Variants in PDE10A observed in about 807,000 individuals in gnomAD.
PDE10A encodes the protein phosphodiesterase 10A, also known as cAMP and cAMP-inhibited cGMP 3',5'-cyclic phosphodiesterase 10A.
A neutral mutation model predicts 97.7 loss-of-function variants in PDE10A; 39 were observed. The ratio of observed to expected loss-of-function variants is 0.40; its 90% CI spans 0.31 to 0.52. PDE10A has a LOEUF of 0.52. PDE10A is among the 20% of genes least tolerant of loss of function. The pLI is 0.56. For missense variants in PDE10A, 731 were observed against 1,047.8 expected (o/e 0.70, Z 4.17); for synonymous variants, 371 against 376.8 (o/e 0.98, Z 0.18).
chr6:165,825,684 C>T (rs545991408), intron 1 of PDE10A, among the ~76,000 whole-genome samples: 13 of 152,292 alleles, frequency 8.5e-5, no homozygotes, highest in African/African-American at 2.6e-4. Flanking sequence ...CCAAGGAGGT[C>T]GGTGCCTGAC....
At chr6:165,437,169 C>CG (rs964819776) in intron 5 of PDE10A, among the ~76,000 whole-genome samples, 4 of 151,914 alleles carry the variant, frequency 2.6e-5, no homozygotes, top group East Asian at 1.9e-4. Context: ...GTATTTTTTG[C>CG]GGGGGGTGTG....
At chr6:165,844,002 G>A (rs186152566) in intron 1 of PDE10A, among the ~76,000 whole-genome samples, 213 of 152,274 alleles carry the variant, frequency 1.4e-3, no homozygotes, top group Non-Finnish European at 2.0e-3. Context: ...CACAGGTTCC[G>A]AAATGAAGAC....
intron 18 of PDE10A, among the ~76,000 whole-genome samples, chr6:165,375,123 T>G (rs746359021): frequency 2.6e-4 from 40 of 152,142 alleles, no homozygotes; most frequent in Non-Finnish European, 5.4e-4. Flanking sequence ...GGCCAATTAA[T>G]AACTCTACAA....
intron 5 of PDE10A, among the ~76,000 whole-genome samples, chr6:165,441,610 C>G (rs889201347): frequency 2.6e-5 from 4 of 152,082 alleles, no homozygotes; most frequent in African/African-American, 7.3e-5. Flanking sequence ...TGCTAAACTA[C>G]TTACTAGGAA....
At chr6:165,784,468 T>C (rs1778442040) in intron 1 of PDE10A, among the ~76,000 whole-genome samples, 1 of 152,206 alleles carries the variant, frequency 6.6e-6, no homozygotes, top group African/African-American at 2.4e-5. Context: ...TTTCAAAACT[T>C]GAATATGGTA....
intron 1 of PDE10A, chr6:165,940,344 T>C (rs1783470804): frequency 6.6e-6 from 1 of 152,236 alleles, no homozygotes; most frequent in East Asian, 1.9e-4. Flanking sequence ...TGGAAACTAA[T>C]CAAGGGCGCG....
chr6:165,850,442 C>A (rs1780544903), intron 1 of PDE10A, among the ~76,000 whole-genome samples: 2 of 152,162 alleles, frequency 1.3e-5, no homozygotes, highest in South Asian at 4.1e-4. Context: ...ATTCTTTCAA[C>A]GGTATTTTAT....
intron 10 of PDE10A, among the ~76,000 whole-genome samples, chr6:165,424,670 T>G (rs1400795708): frequency 6.6e-6 from 1 of 152,126 alleles, no homozygotes; most frequent in Non-Finnish European, 1.5e-5. Context: ...AAAGAACCAT[T>G]GAGCAATCCG....
intron 1 of PDE10A, among the ~76,000 whole-genome samples, chr6:165,659,025 C>T (rs1790102890): frequency 6.6e-6 from 1 of 152,144 alleles, no homozygotes; most frequent in African/African-American, 2.4e-5. Context: ...TCTCTGGGGC[C>T]TGGGTCCTGG....
intron 1 of PDE10A, among the ~76,000 whole-genome samples, chr6:165,808,776 C>G (rs1317433841): frequency 6.6e-6 from 1 of 152,180 alleles, no homozygotes; most frequent in African/African-American, 2.4e-5. Flanking sequence ...ACGGCATATG[C>G]ATGGGTCAAA....
chr6:165,866,705 A>T (rs1781063499), intron 1 of PDE10A, among the ~76,000 whole-genome samples: 2 of 151,814 alleles, frequency 1.3e-5, no homozygotes, highest in African/African-American at 4.8e-5. Context: ...TTCATAAGAG[A>T]ATATAAGAGA....
chr6:165,344,215 T>C (rs1321286691), intron 18 of PDE10A, among the ~76,000 whole-genome samples: 2 of 152,080 alleles, frequency 1.3e-5, no homozygotes, highest in Non-Finnish European at 2.9e-5. Flanking sequence ...AGAAAAATAA[T>C]AACTTAAAAA....
At chr6:165,972,844 A>G (rs1032140009) in intron 1 of PDE10A, among the ~76,000 whole-genome samples, 1 of 152,182 alleles carries the variant, frequency 6.6e-6, no homozygotes, top group Non-Finnish European at 1.5e-5. Flanking sequence ...CAGGGATTTT[A>G]TTACTGTTTT....
Position 165,586,689 on chromosome 6 carries a change from C to T in PDE10A, c.866-43121G>A, listed in dbSNP as rs114942811. Among the ~76,000 whole-genome samples, 1,325 of 152,108 alleles carry T rather than the reference C, an allele frequency of 8.7e-3. 21 individuals carry two copies. Among genetic ancestry groups the T allele is most frequent in the African/African-American group, 0.03 (1,262 of 41,476 alleles). ...AGTTTACTAAGAAAACCACAAGTAACGTCTAGAAGCCACCAAAATCCATGA... is the reference window on the plus strand; with the variant it reads ...AGTTTACTAAGAAAACCACAAGTAATGTCTAGAAGCCACCAAAATCCATGA... On this transcript the variant is annotated intron_variant, in intron 1 of 21. Transcript: ENST00000539869.
chr6:165,414,402 C>T (rs781548159), intron 12 of PDE10A, among the ~76,000 whole-genome samples: 1 of 152,134 alleles, frequency 6.6e-6, no homozygotes, highest in Admixed American at 6.5e-5. Context: ...ACATAGCTAA[C>T]GGTAGGTAGT....
intron 1 of PDE10A, among the ~76,000 whole-genome samples, chr6:165,972,692 C>T (rs575658253): frequency 5.3e-5 from 8 of 151,962 alleles, no homozygotes; most frequent in Admixed American, 1.3e-4. Flanking sequence ...GGCTGAGAGC[C>T]CTTTAAGGGA....
chr6:165,574,147 A>C (rs1039562239), intron 1 of PDE10A, among the ~76,000 whole-genome samples: 5 of 152,196 alleles, frequency 3.3e-5, no homozygotes, highest in Non-Finnish European at 7.3e-5. Context: ...CTTAAGAGAA[A>C]GTGAGTCTTT....
chr6:165,525,833 C>T (rs915800171), intron 2 of PDE10A, among the ~76,000 whole-genome samples: 1 of 137,518 alleles, frequency 7.3e-6, no homozygotes, highest in Admixed American at 7.2e-5. Flanking sequence ...AGAGCTCTGG[C>T]ATTGGCTAAC....
chr6:165,733,216 ACAACAAATAATC>A (rs1792483740), intron 1 of PDE10A, among the ~76,000 whole-genome samples: 1 of 152,236 alleles, frequency 6.6e-6, no homozygotes, highest in South Asian at 2.1e-4. Flanking sequence ...GACCTGAGAT[ACAACAAATAATC>A]CAACATGGAC....
Sources: gnomAD v4.1 joint callset for allele counts (sites outside exome capture counted in the v4.1 genomes callset) on GRCh38, gnomAD v4.1.1 for gene constraint, MANE v1.5 for transcripts, NCBI Gene and HGNC (gene_info 2026-07-23, HGNC 2026-07-21) for gene names.